Variants in PARD3B observed in about 807,000 individuals in gnomAD.
The protein encoded by PARD3B is partitioning defective 3 homolog B.
A neutral mutation model predicts 130.2 loss-of-function variants in PARD3B; 103 were observed. The ratio of observed to expected loss-of-function variants is 0.79; its 90% CI spans 0.67 to 0.93. PARD3B has a LOEUF of 0.93. Among genes scored for constraint, PARD3B ranks in the 40% least tolerant of loss-of-function variants. The pLI is 0.00. For missense variants in PARD3B, 1,609 were observed against 1,499.2 expected (o/e 1.07, Z -1.21); for synonymous variants, 583 against 553.2 (o/e 1.05, Z -0.76).
intron 2 of PARD3B, among the ~76,000 whole-genome samples, chr2:204,830,864 TC>T (rs2043793432): frequency 6.6e-6 from 1 of 152,226 alleles, no homozygotes; most frequent in African/African-American, 2.4e-5. Context: ...AAGATCATTG[TC>T]CCATTAGGTC....
intron 4 of PARD3B, among the ~76,000 whole-genome samples, chr2:205,081,415 T>A (rs1701395240): frequency 6.6e-6 from 1 of 152,082 alleles, no homozygotes; most frequent in African/African-American, 2.4e-5. Context: ...TCTATGCCAT[T>A]GTCCTTTTTT....
intron 1 of PARD3B, among the ~76,000 whole-genome samples, chr2:204,547,576 C>G (rs1197408991): frequency 6.6e-6 from 1 of 152,158 alleles, no homozygotes; most frequent in African/African-American, 2.4e-5. Context: ...AACCAATTGT[C>G]TATTAAATCA....
In PARD3B at chr2:205,158,809, G is replaced by T. The variant is rs2034339745; in HGVS notation, c.1522G>T (p.Gly508Cys). 6.2e-7 allele frequency: 1 copy of T among 1,614,044 alleles called. No homozygotes were observed. Among genetic ancestry groups the T allele is most frequent in the Admixed American group, 1.7e-5 (1 of 60,000 alleles). The change falls in exon 11 of 23, where the codon GGC becomes TGC. Residue 508 changes from glycine (G) to cysteine (C), a missense_variant. Physicochemically the swap from Gly to Cys is radical, Grantham distance 159. Coordinates refer to ENST00000406610, the MANE Select transcript of PARD3B (RefSeq NM_001302769.2). This position sits in a 1 kb window ranked among gnomAD's most constrained non-coding sequence, Gnocchi z 5.4. ...EIPLNDSGSA[G>C]LGVSLKGNKS... ...CCCCCTGAATGATTCAGGTTCTGCT[G>T]GCCTCGGGGTGAGCTTAAAAGGGAA... is the stretch of plus-strand genomic sequence containing the variant.
chr2:205,308,595 A>T (rs2042265961), intron 18 of PARD3B, among the ~76,000 whole-genome samples: 1 of 103,242 alleles, frequency 9.7e-6, no homozygotes, highest in Admixed American at 1.3e-4. Flanking sequence ...TGAGAGCGAG[A>T]CTCCGTCTCA....
chr2:205,270,084 A>G (rs2040660938), intron 16 of PARD3B, among the ~76,000 whole-genome samples: 1 of 152,198 alleles, frequency 6.6e-6, no homozygotes, highest in Admixed American at 6.5e-5. Flanking sequence ...CATTGCATGC[A>G]TGTATGAAAA....
chr2:204,919,997 A>G (rs562224555), intron 2 of PARD3B, among the ~76,000 whole-genome samples: 21 of 151,536 alleles, frequency 1.4e-4, no homozygotes, highest in African/African-American at 3.2e-4. Flanking sequence ...TGCCCTTTAC[A>G]TCTTATTTAT....
At position 205,473,692 on chromosome 2, in the gene PARD3B, A is replaced by G. The variant is rs879914825; in HGVS notation, c.3045-26204A>G. On this transcript the variant is annotated intron_variant, in intron 20 of 22. Coordinates refer to ENST00000406610, the MANE Select transcript of PARD3B (RefSeq NM_001302769.2). The surrounding 1 kb of genome is among the most constrained non-coding windows in gnomAD (Gnocchi z 4.9). Reference sequence around the variant, plus strand: ...TGTGTGTGTGTGTGTATGTATATATATATATATATATATATATACACACAC... The same window carrying G: ...TGTGTGTGTGTGTGTATGTATATATGTATATATATATATATATACACACAC... Among the ~76,000 whole-genome samples the G allele has an allele frequency of 0.11, 14,602 of 137,636 alleles. 1,237 individuals are homozygous for G. Among genetic ancestry groups the G allele is most frequent in the African/African-American group, 0.26 (8,861 of 33,618 alleles). 90.3% of individuals were successfully genotyped at this position (137,636 alleles called of 152,430 possible).
At chr2:205,509,026 T>C (rs959599900) in intron 21 of PARD3B, among the ~76,000 whole-genome samples, 3 of 151,868 alleles carry the variant, frequency 2.0e-5, no homozygotes, top group African/African-American at 7.3e-5. Context: ...TTCACAGGAA[T>C]TTGTTGACAT....
chr2:204,561,061 C>G (rs917184982), intron 1 of PARD3B, among the ~76,000 whole-genome samples: 5 of 151,942 alleles, frequency 3.3e-5, no homozygotes, highest in African/African-American at 4.8e-5. Flanking sequence ...TAAGACATGG[C>G]CTTTGCTTTA....
At chr2:204,895,801 T>C (rs1206053845) in intron 2 of PARD3B, among the ~76,000 whole-genome samples, 2 of 152,184 alleles carry the variant, frequency 1.3e-5, no homozygotes, top group African/African-American at 2.4e-5. Flanking sequence ...AAAGAGTATG[T>C]GCATGAAAGC....
intron 15 of PARD3B, among the ~76,000 whole-genome samples, chr2:205,236,635 A>C (rs1307326530): frequency 1.3e-5 from 2 of 152,224 alleles, no homozygotes; most frequent in Non-Finnish European, 2.9e-5. Context: ...TGAACCCAAC[A>C]ATATATAAAA....
At chr2:204,839,900 T>C (rs1210625002) in intron 2 of PARD3B, among the ~76,000 whole-genome samples, 1 of 152,182 alleles carries the variant, frequency 6.6e-6, no homozygotes, top group Admixed American at 6.5e-5. Context: ...GCTTTTAATG[T>C]GTAAGAGACT....
rs72930553 is a variant in PARD3B at position 205,105,465 on chromosome 2, A to T, written c.593+951A>T. 6.6e-6 allele frequency among the ~76,000 whole-genome samples: 1 copy of T among 152,176 alleles called. No individual in the cohort carries two copies. Among genetic ancestry groups the T allele is most frequent in the Non-Finnish European group, 1.5e-5 (1 of 68,028 alleles). On this transcript the variant is annotated intron_variant, in intron 5 of 22. Transcript: ENST00000406610. This position sits in a 1 kb window ranked among gnomAD's most constrained non-coding sequence, Gnocchi z 4.0. Reference sequence around the variant, plus strand: ...AAGTTTATAATTATTCATGCAGTTGACGTATTCCTTTCATTTAGTCCAAAC... The same window carrying T: ...AAGTTTATAATTATTCATGCAGTTGTCGTATTCCTTTCATTTAGTCCAAAC...
At chr2:204,837,162 A>G (rs543597840) in intron 2 of PARD3B, among the ~76,000 whole-genome samples, 1 of 152,252 alleles carries the variant, frequency 6.6e-6, no homozygotes, top group South Asian at 2.1e-4. Context: ...ACATTCTAGT[A>G]ATAACAATGA....
In PARD3B at chr2:205,614,580, C is replaced by A. The variant is rs539976083; in HGVS notation, c.3261-876C>A. Reference sequence around the variant, plus strand: ...ACTTAGTCAGGTGTAGTGGTGGGCACCTGTAGTTCCATCTACTCGGTAGGC... The same window carrying A: ...ACTTAGTCAGGTGTAGTGGTGGGCAACTGTAGTTCCATCTACTCGGTAGGC... On this transcript the variant is annotated intron_variant, in intron 22 of 22. Coordinates refer to ENST00000406610, the MANE Select transcript of PARD3B (RefSeq NM_001302769.2). 2.0e-5 allele frequency among the ~76,000 whole-genome samples: 3 copies of A among 152,012 alleles called. No homozygotes were observed. The South Asian group carries it at 6.3e-4, about 32-fold the overall frequency.
rs866585615 is a variant in PARD3B, at chr2:204,998,341, T to C, written c.394+33018T>C. ...ATATATATATATATATATATATATA[T>C]ATATATATATATATATATGTGTGTG... On this transcript the variant is annotated intron_variant, in intron 3 of 22. Transcript: ENST00000406610. 8.7e-4 allele frequency among the ~76,000 whole-genome samples: 71 copies of C among 81,522 alleles called. 2 individuals carry two copies. The highest frequency in any genetic ancestry group is 3.3e-3 in the South Asian group (10 of 3,052). 53.5% of individuals were successfully genotyped at this position (81,522 alleles called of 152,430 possible). A position where few individuals can be genotyped will look rare whatever the true frequency, so the allele number is the denominator to read the frequency against.
chr2:205,081,116 T>C (rs1575727892), intron 4 of PARD3B, among the ~76,000 whole-genome samples: 3 of 152,222 alleles, frequency 2.0e-5, no homozygotes, highest in Middle Eastern at 3.4e-3. Context: ...TGAATAGTTA[T>C]TTTAAGCTAG....
intron 2 of PARD3B, among the ~76,000 whole-genome samples, chr2:204,766,986 TTTTTA>T (rs1471807937): frequency 2.9e-5 from 3 of 102,780 alleles, no homozygotes; most frequent in Non-Finnish European, 6.3e-5. Context: ...TTTTTCACAT[TTTTTA>T]TTTTATTTTT....
At chr2:205,369,662 G>A (rs1460112369) in intron 18 of PARD3B, among the ~76,000 whole-genome samples, 1 of 152,048 alleles carries the variant, frequency 6.6e-6, no homozygotes, top group East Asian at 1.9e-4. Flanking sequence ...TCTATCCTGT[G>A]GAGGCTTCTT....
Sources: allele counts gnomAD v4.1 joint callset (sites outside exome capture counted in the v4.1 genomes callset), GRCh38; gene constraint gnomAD v4.1.1; non-coding constraint Gnocchi (gnomAD v3.1); transcripts MANE v1.5; gene names NCBI Gene and HGNC (gene_info 2026-07-23, HGNC 2026-07-21).